SEMA6D: variants seen among roughly 807,000 people sequenced by gnomAD.
SEMA6D encodes semaphorin-6D.
SEMA6D carries 35 observed loss-of-function variants against 106.6 expected under a neutral mutation model. That is an observed-to-expected ratio of 0.33 (90% CI 0.25 to 0.44). SEMA6D has a LOEUF of 0.44. Ranked by LOEUF, SEMA6D falls within the 20% of genes least tolerant of loss-of-function variation. The probability of loss-of-function intolerance (pLI) is 1.00; values close to 1 mark genes in which losing one functional copy is unlikely to be tolerated. For missense variants in SEMA6D, 1,185 were observed against 1,345.9 expected, an observed-to-expected ratio of 0.88 and a Z score of 1.87; for synonymous variants, 499 against 487.7, an observed-to-expected ratio of 1.02 and a Z score of -0.31.
At chr15:47,336,251 T>C (rs1222996458) in intron 1 of SEMA6D, among the ~76,000 whole-genome samples, 1 of 152,158 alleles carries the variant, frequency 6.6e-6, no homozygotes, top group Non-Finnish European at 1.5e-5. Flanking sequence ...TGGTAACTGA[T>C]TGGGGGATGT....
At chr15:47,609,900 GC>G (rs1433599139) in intron 4 of SEMA6D, among the ~76,000 whole-genome samples, 2 of 152,176 alleles carry the variant, frequency 1.3e-5, no homozygotes, top group Non-Finnish European at 2.9e-5. Context: ...GGCTTCAGCA[GC>G]CCTGCTGCCT....
At chr15:47,338,317 G>A (rs1356368484) in intron 1 of SEMA6D, among the ~76,000 whole-genome samples, 1 of 152,188 alleles carries the variant, frequency 6.6e-6, no homozygotes, top group East Asian at 1.9e-4. Context: ...CTTAACTCAA[G>A]TATTCCAAAT....
intron 1 of SEMA6D, chr15:47,731,027 A>G (rs1183926435): frequency 5.1e-6 from 3 of 591,912 alleles, no homozygotes; most frequent in East Asian, 2.8e-5. Flanking sequence ...ATATTAATCT[A>G]CTTCATGAAT....
At chr15:47,654,432 G>T (rs771186266) in intron 4 of SEMA6D, among the ~76,000 whole-genome samples, 6 of 152,188 alleles carry the variant, frequency 3.9e-5, no homozygotes, top group Non-Finnish European at 1.5e-5. Flanking sequence ...AAGGAAGCTG[G>T]AGAAAAGAAA....
At chr15:47,423,195 A>G (rs1191491374) in intron 2 of SEMA6D, among the ~76,000 whole-genome samples, 1 of 151,968 alleles carries the variant, frequency 6.6e-6, no homozygotes. Flanking sequence ...GCTTTTGGTG[A>G]TAGAACATTC....
At chr15:47,282,737 T>C (rs1423200626) in intron 1 of SEMA6D, among the ~76,000 whole-genome samples, 2 of 152,204 alleles carry the variant, frequency 1.3e-5, no homozygotes, top group Non-Finnish European at 2.9e-5. Flanking sequence ...GAAGCTTTTC[T>C]GGCTACTTTT....
intron 3 of SEMA6D, among the ~76,000 whole-genome samples, chr15:47,516,594 C>T (rs1475493960): frequency 6.6e-6 from 1 of 152,080 alleles, no homozygotes; most frequent in Non-Finnish European, 1.5e-5. Flanking sequence ...CCATTGTTGC[C>T]CTATGGACAG....
intron 1 of SEMA6D, among the ~76,000 whole-genome samples, chr15:47,208,077 T>C (rs1345333828): frequency 6.6e-6 from 1 of 150,498 alleles, no homozygotes; most frequent in African/African-American, 2.4e-5. Flanking sequence ...GACTTTCAGC[T>C]GTGGAGTCAG....
chr15:47,754,972 G>A (rs1258717323), intron 1 of SEMA6D, among the ~76,000 whole-genome samples: 1 of 132,430 alleles, frequency 7.6e-6, no homozygotes, highest in Non-Finnish European at 1.6e-5. Flanking sequence ...TTTTTTTTGA[G>A]ATGGAGTCTC....
chr15:47,267,050 T>G (rs191887636), intron 1 of SEMA6D, among the ~76,000 whole-genome samples: 9 of 152,240 alleles, frequency 5.9e-5, no homozygotes, highest in East Asian at 3.9e-4. Flanking sequence ...ACCGGGGCTT[T>G]CTTTATTTCT....
intron 1 of SEMA6D, among the ~76,000 whole-genome samples, chr15:47,252,462 C>G (rs2033576995): frequency 6.6e-6 from 1 of 152,052 alleles, no homozygotes; most frequent in Non-Finnish European, 1.5e-5. Flanking sequence ...ATGAGCTGTA[C>G]TCCCCCTACT....
At chr15:47,405,308 G>A (rs1198754002) in intron 1 of SEMA6D, among the ~76,000 whole-genome samples, 1 of 152,078 alleles carries the variant, frequency 6.6e-6, no homozygotes, top group Non-Finnish European at 1.5e-5. Context: ...TGGTGGGGAA[G>A]GATTTGGTTG....
intron 3 of SEMA6D, among the ~76,000 whole-genome samples, chr15:47,539,059 A>T (rs2045271914): frequency 1.3e-5 from 2 of 152,212 alleles, no homozygotes; most frequent in Non-Finnish European, 2.9e-5. Flanking sequence ...CTTCAGGGAA[A>T]TTGATAACCA....
intron 3 of SEMA6D, among the ~76,000 whole-genome samples, chr15:47,497,894 C>G (rs545624996): frequency 6.6e-6 from 1 of 152,094 alleles, no homozygotes; most frequent in Non-Finnish European, 1.5e-5. Flanking sequence ...GTAGGTTCTA[C>G]TTCTGCAGAG....
chr15:47,611,767 T>C (rs1341666289), intron 4 of SEMA6D, among the ~76,000 whole-genome samples: 2 of 152,174 alleles, frequency 1.3e-5, no homozygotes, highest in African/African-American at 4.8e-5. Context: ...GGAAAGCTTA[T>C]CCCATAAGAG....
At chr15:47,592,281 A>G in intron 3 of SEMA6D, among the ~76,000 whole-genome samples, 1 of 152,246 alleles carries the variant, frequency 6.6e-6, no homozygotes, top group East Asian at 1.9e-4. Flanking sequence ...ACATACTTAG[A>G]GAATGCCTTA....
intron 4 of SEMA6D, among the ~76,000 whole-genome samples, chr15:47,661,609 G>A (rs1469429682): frequency 6.6e-6 from 1 of 152,202 alleles, no homozygotes; most frequent in East Asian, 1.9e-4. Context: ...TGAAGCTTTG[G>A]CTCTGTGGGA....
chr15:47,305,501 TGG>T (rs1263542478), intron 1 of SEMA6D, among the ~76,000 whole-genome samples: 3 of 152,216 alleles, frequency 2.0e-5, no homozygotes, highest in Non-Finnish European at 4.4e-5. Context: ...TTCCTTTCCT[TGG>T]TTACCAGACT....
chr15:47,291,215 C>G (rs2035580070), intron 1 of SEMA6D, among the ~76,000 whole-genome samples: 1 of 152,188 alleles, frequency 6.6e-6, no homozygotes, highest in Non-Finnish European at 1.5e-5. Context: ...TTTGGAGTTC[C>G]TCAGTGCTAT....
Sources: allele counts gnomAD v4.1 joint callset (sites outside exome capture counted in the v4.1 genomes callset), GRCh38; gene constraint gnomAD v4.1.1; transcripts MANE v1.5; gene names NCBI Gene and HGNC (gene_info 2026-07-23, HGNC 2026-07-21).